Variants in GEMIN8 observed in about 807,000 individuals in gnomAD.
GEMIN8 encodes the protein gem-associated protein 8.
For synonymous variants in GEMIN8, 80 were observed against 78.5 expected, an observed-to-expected ratio of 1.02 and a Z score of -0.10; for missense variants, 185 against 205.9, an observed-to-expected ratio of 0.90 and a Z score of 0.62.
Position 14,026,209 on chromosome X carries a change from T to G in GEMIN8, c.-103A>C. On this transcript the variant is annotated 5_prime_UTR_variant, in exon 2 of 5. Coordinates refer to ENST00000680255, the MANE Select transcript of GEMIN8 (RefSeq NM_001042479.2). ...GGACTGAACAGTAACTTTTCTCCAA[T>G]GGGCTGGTGGAGCTGAAAGAAAAGA... 1 of 750,133 alleles carries G rather than the reference T, an allele frequency of 1.3e-6. No homozygotes were observed. Among genetic ancestry groups the G allele is most frequent in the Non-Finnish European group, 1.6e-6 (1 of 635,292 alleles). 61.8% of individuals were successfully genotyped at this position (750,133 alleles called of 1,213,427 possible). A position where few individuals can be genotyped will look rare whatever the true frequency, so the allele number is the denominator to read the frequency against.
intron 4 of GEMIN8, among the ~76,000 whole-genome samples, chrX:14,010,439 G>A (rs1010996995): frequency 1.8e-5 from 2 of 111,792 alleles, no homozygotes; most frequent in Non-Finnish European, 3.8e-5. Flanking sequence ...GAAACACCAC[G>A]AGATAAGGAG....
the GEMIN8 span, among the ~76,000 whole-genome samples, chrX:13,992,295 G>A: frequency 1.8e-5 from 2 of 112,222 alleles, no homozygotes; most frequent in Admixed American, 1.9e-4. Context: ...TGCTGTGGGA[G>A]AAATAAAGGC....
At chrX:14,003,657 C>G (rs779341642), downstream of GEMIN8, among the ~76,000 whole-genome samples, 2 of 111,822 alleles carry the variant, frequency 1.8e-5, no homozygotes, top group East Asian at 5.6e-4. Flanking sequence ...GGGCCAAGTT[C>G]TAGAATATGC....
intron 2 of GEMIN8, among the ~76,000 whole-genome samples, chrX:14,024,745 T>C (rs1262717422): frequency 1.8e-5 from 2 of 111,797 alleles, no homozygotes; most frequent in Non-Finnish European, 3.8e-5. Flanking sequence ...GTGCCCACTA[T>C]CTACATTAAT....
At chrX:14,025,620 T>C (rs950830728) in intron 2 of GEMIN8, among the ~76,000 whole-genome samples, 3 of 111,848 alleles carry the variant, frequency 2.7e-5, no homozygotes, top group African/African-American at 9.8e-5. Flanking sequence ...CTATGACCAA[T>C]AGCAATCATG....
rs182021571 is a variant in GEMIN8, at chrX:14,028,056, T to A, written c.-116+1721A>T. ...TAAGATCGCTAGTACATTTCAGGCG[T>A]CTTATTTCAAATTTACTTTTTTCTA... On this transcript the variant is annotated intron_variant, in intron 1 of 4. Coordinates refer to ENST00000680255, the MANE Select transcript of GEMIN8 (RefSeq NM_001042479.2). 1.9e-4 allele frequency among the ~76,000 whole-genome samples: 21 copies of A among 112,168 alleles called. No individual in the cohort carries two copies. In the Admixed American group the frequency reaches 1.9e-3, roughly 10 times the overall value.
At chrX:13,997,868 C>T in the GEMIN8 span, among the ~76,000 whole-genome samples, 17 of 96,797 alleles carry the variant, frequency 1.8e-4, no homozygotes, top group African/African-American at 6.7e-4. Context: ...CACTGCACTC[C>T]AGCCTGGGCG....
rs1442254033 is a variant in GEMIN8 at position 14,008,994 on chromosome X, C to T, written c.648G>A (p.Glu216=). 2 of 1,209,796 alleles carry T rather than the reference C, an allele frequency of 1.7e-6. No individual in the cohort carries two copies. Among genetic ancestry groups the T allele is most frequent in the Non-Finnish European group, 2.2e-6 (2 of 894,547 alleles). ...TGTCAAAGCTCAGCTGCACCGCGGC[C>T]TCCATGGCTTGGATCTTGGCAGCAC... is the stretch of plus-strand genomic sequence containing the variant. ...GDSAAKIQAM[E]AAVQLSFDKH... The change falls in exon 5 of 5, where the codon GAG becomes GAA. Residue 216 remains glutamate, a synonymous_variant. Coordinates refer to ENST00000680255, the MANE Select transcript of GEMIN8 (RefSeq NM_001042479.2).
At chrX:14,029,128 C>T (rs899727549) in intron 1 of GEMIN8, among the ~76,000 whole-genome samples, 4 of 112,071 alleles carry the variant, frequency 3.6e-5, no homozygotes, top group African/African-American at 1.3e-4. Context: ...AAATGCACTT[C>T]GTTGGCCACT....
intron 4 of GEMIN8, among the ~76,000 whole-genome samples, chrX:14,011,766 A>T (rs1228621587): frequency 1.8e-5 from 2 of 111,395 alleles, no homozygotes; most frequent in African/African-American, 6.5e-5. Context: ...TTGAATGAAC[A>T]CTGAGATCTT....
intron 4 of GEMIN8, among the ~76,000 whole-genome samples, 165 bp downstream of exon 4, chrX:14,019,913 A>G (rs931529860): frequency 8.9e-6 from 1 of 111,819 alleles, no homozygotes; most frequent in African/African-American, 3.3e-5. Context: ...AGAAACTAAC[A>G]TAAGCAAGGT....
chrX:14,021,640 A>C (rs1924323790), intron 2 of GEMIN8, 129 bp from the exon 3 acceptor site: 1 of 455,471 alleles, frequency 2.2e-6, no homozygotes, highest in Non-Finnish European at 3.8e-6. Context: ...ATTTCATGCA[A>C]CCTATCTATA....
intron 1 of GEMIN8, chrX:14,026,502 C>T: frequency 3.1e-6 from 1 of 322,344 alleles, no homozygotes; most frequent in Non-Finnish European, 4.1e-6. Flanking sequence ...AACGGATTTA[C>T]ACTTCAGTAC....
downstream of GEMIN8, among the ~76,000 whole-genome samples, chrX:14,005,207 G>A (rs771291555): frequency 3.6e-5 from 4 of 110,260 alleles, no homozygotes; most frequent in Non-Finnish European, 5.7e-5. Flanking sequence ...ACTCTTGGTG[G>A]GCTCTTGGAC....
the GEMIN8 span, among the ~76,000 whole-genome samples, chrX:13,990,520 ATGGTTGGAGT>A: frequency 8.9e-6 from 1 of 112,181 alleles, no homozygotes; most frequent in Non-Finnish European, 1.9e-5. Flanking sequence ...ACAGAAGAGA[ATGGTTGGAGT>A]TGGCAGGGCT....
downstream of GEMIN8, among the ~76,000 whole-genome samples, chrX:14,005,628 G>A (rs1256876472): frequency 9.4e-6 from 1 of 106,369 alleles, no homozygotes. Flanking sequence ...CAAAGAGGAG[G>A]TCGTGGGAAC....
chrX:14,028,245 T>C (rs1924796954), intron 1 of GEMIN8, among the ~76,000 whole-genome samples: 1 of 111,512 alleles, frequency 9.0e-6, no homozygotes, highest in Non-Finnish European at 1.9e-5. Flanking sequence ...AAATAATAGC[T>C]AATATTTCAT....
intron 2 of GEMIN8, among the ~76,000 whole-genome samples, chrX:14,022,222 C>G (rs1924423396): frequency 9.1e-6 from 1 of 109,806 alleles, no homozygotes; most frequent in African/African-American, 3.3e-5. Flanking sequence ...TCCAAATGAC[C>G]AGAAACCTCT....
At chrX:14,021,814 G>GTGTATA (rs372889181) in intron 2 of GEMIN8, among the ~76,000 whole-genome samples, 5 of 78,280 alleles carry the variant, frequency 6.4e-5, no homozygotes, top group East Asian at 4.4e-4. Flanking sequence ...TAATGTGTGT[G>GTGTATA]TATATATATA....
Sources: gnomAD v4.1 joint callset for allele counts (sites outside exome capture counted in the v4.1 genomes callset) on GRCh38, gnomAD v4.1.1 for gene constraint, MANE v1.5 for transcripts, NCBI Gene and HGNC (gene_info 2026-07-23, HGNC 2026-07-21) for gene names.